Variants in LRRC3B observed in about 807,000 individuals in gnomAD.
LRRC3B encodes the protein leucine-rich repeat-containing protein 3B.
LRRC3B carries 2 observed loss-of-function variants against 12.8 expected under a neutral mutation model. The observed-to-expected ratio is 0.16, with a 90% confidence interval of 0.06 to 0.49. LRRC3B has a LOEUF of 0.49. Among genes scored for constraint, LRRC3B ranks in the 20% least tolerant of loss-of-function variants. The pLI, the probability that LRRC3B is intolerant of heterozygous loss-of-function variation, is 0.96. For missense variants in LRRC3B, 189 were observed against 319.4 expected, an observed-to-expected ratio of 0.59 and a Z score of 3.11; for synonymous variants, 132 against 122.0, an observed-to-expected ratio of 1.08 and a Z score of -0.54.
intron 1 of LRRC3B, among the ~76,000 whole-genome samples, chr3:26,706,354 T>C (rs1456339524): frequency 6.6e-6 from 1 of 152,168 alleles, no homozygotes; most frequent in Non-Finnish European, 1.5e-5. Flanking sequence ...ACATCCTGCA[T>C]CTTTTGTCAC....
At chr3:26,650,040 A>T (rs1699234001) in intron 1 of LRRC3B, among the ~76,000 whole-genome samples, 1 of 152,156 alleles carries the variant, frequency 6.6e-6, no homozygotes, top group African/African-American at 2.4e-5. Context: ...CTTTTTAAAT[A>T]AACTTCTATT....
intron 1 of LRRC3B, among the ~76,000 whole-genome samples, chr3:26,667,075 T>C (rs57719702): frequency 0.084 from 11,226 of 133,704 alleles, 1,157 homozygotes; most frequent in African/African-American, 0.28. Context: ...AATGTCCCTC[T>C]GTGATTTTTT....
chr3:26,686,612 A>G (rs1218807192), intron 1 of LRRC3B, among the ~76,000 whole-genome samples: 1 of 152,214 alleles, frequency 6.6e-6, no homozygotes, highest in African/African-American at 2.4e-5. Context: ...AGCTCAGAAA[A>G]AAAGTGTTAA....
chr3:26,626,821 T>C (rs1266000672), intron 1 of LRRC3B, among the ~76,000 whole-genome samples: 1 of 152,218 alleles, frequency 6.6e-6, no homozygotes, highest in African/African-American at 2.4e-5. Flanking sequence ...CTCTGGATGA[T>C]TCTAAATAAG....
At chr3:26,685,034 A>G (rs369010215) in intron 1 of LRRC3B, among the ~76,000 whole-genome samples, 2 of 152,034 alleles carry the variant, frequency 1.3e-5, no homozygotes, top group South Asian at 2.1e-4. Context: ...GCTCACTGCA[A>G]TCTCCACCTC....
chr3:26,671,373 T>TATATATATATAGAGAGAG (rs1261897533), intron 1 of LRRC3B, among the ~76,000 whole-genome samples: 3 of 28,258 alleles, frequency 1.1e-4, no homozygotes, highest in African/African-American at 2.9e-4. Context: ...TATATATATA[T>TATATATATATAGAGAGAG]AGAGAGAGAG....
chr3:26,697,726 A>G (rs112287859), intron 1 of LRRC3B, among the ~76,000 whole-genome samples: 2 of 152,298 alleles, frequency 1.3e-5, no homozygotes, highest in African/African-American at 4.8e-5. Context: ...TCTCATCTAA[A>G]TATCACCCCA....
chr3:26,650,620 T>C (rs1057287483), intron 1 of LRRC3B, among the ~76,000 whole-genome samples: 2 of 152,064 alleles, frequency 1.3e-5, no homozygotes, highest in Non-Finnish European at 2.9e-5. Flanking sequence ...TTCCAAACAA[T>C]GTTAGTGATA....
At chr3:26,630,648 C>T (rs957022343) in intron 1 of LRRC3B, among the ~76,000 whole-genome samples, 2 of 152,106 alleles carry the variant, frequency 1.3e-5, no homozygotes, top group Non-Finnish European at 2.9e-5. Flanking sequence ...GGTTTATGGC[C>T]TGTGTTCAAA....
At chr3:26,681,777 CAAAAGTATTTCT>C (rs1699975912) in intron 1 of LRRC3B, among the ~76,000 whole-genome samples, 1 of 152,046 alleles carries the variant, frequency 6.6e-6, no homozygotes, top group South Asian at 2.1e-4. Flanking sequence ...CTGGTAAAAA[CAAAAGTATTTCT>C]AAAATAAGCC....
At chr3:26,682,637 C>A (rs1699994453) in intron 1 of LRRC3B, among the ~76,000 whole-genome samples, 1 of 152,184 alleles carries the variant, frequency 6.6e-6, no homozygotes, top group Non-Finnish European at 1.5e-5. Flanking sequence ...CAATCCCCAG[C>A]CTGGAGAAAA....
In LRRC3B at chr3:26,673,103, T is replaced by TAAAAC. The variant is rs1394762700; in HGVS notation, c.-160-36406_-160-36402dup. On this transcript the variant is annotated intron_variant, in intron 1 of 1. Coordinates refer to ENST00000396641, the Ensembl canonical transcript of LRRC3B. ...ATAAATCTTAGAAGTTACTCTTAAA[T>TAAAAC]AAAACAAAGGTCTGCTGCAGTGGCA... 2.0e-5 allele frequency among the ~76,000 whole-genome samples: 3 copies of TAAAAC among 152,328 alleles called. No individual in the cohort carries two copies. The East Asian group carries it at 5.8e-4, about 29-fold the overall frequency.
intron 1 of LRRC3B, among the ~76,000 whole-genome samples, chr3:26,671,314 C>T (rs1699722772): frequency 1.4e-5 from 2 of 139,384 alleles, no homozygotes; most frequent in East Asian, 2.1e-4. Flanking sequence ...CGCGCCCGGC[C>T]TCATGTATCT....
chr3:26,656,451 A>T (rs1176117730), intron 1 of LRRC3B, among the ~76,000 whole-genome samples: 1 of 152,168 alleles, frequency 6.6e-6, no homozygotes, highest in Non-Finnish European at 1.5e-5. Flanking sequence ...CAAGTTTGCC[A>T]CTGTTATCTC....
chr3:26,659,511 G>C (rs917308512), intron 1 of LRRC3B, among the ~76,000 whole-genome samples: 1 of 152,162 alleles, frequency 6.6e-6, no homozygotes, highest in Non-Finnish European at 1.5e-5. Flanking sequence ...GATATTAAGA[G>C]AGATTTAAGA....
chr3:26,626,734 T>C (rs757874971), intron 1 of LRRC3B, among the ~76,000 whole-genome samples: 1 of 152,188 alleles, frequency 6.6e-6, no homozygotes, highest in Admixed American at 6.5e-5. Context: ...CTACCACAAA[T>C]GTGACTCTTT....
chr3:26,680,504 A>AT (rs1423635181), intron 1 of LRRC3B, among the ~76,000 whole-genome samples: 1 of 152,224 alleles, frequency 6.6e-6, no homozygotes, highest in Non-Finnish European at 1.5e-5. Flanking sequence ...ATAGAATTTT[A>AT]TATTGCATCC....
intron 1 of LRRC3B, among the ~76,000 whole-genome samples, chr3:26,686,628 T>TA (rs944418088): frequency 1.3e-4 from 19 of 151,844 alleles, no homozygotes; most frequent in Admixed American, 7.9e-4. Flanking sequence ...GTTAAGAAAA[T>TA]AAAAAAAGCC....
At chr3:26,706,068 G>T (rs142215645) in intron 1 of LRRC3B, among the ~76,000 whole-genome samples, 2 of 152,148 alleles carry the variant, frequency 1.3e-5, no homozygotes, top group African/African-American at 4.8e-5. Context: ...GGTGCCAGAA[G>T]ATTTGGTTTC....
Sources: gnomAD v4.1 joint callset for allele counts (sites outside exome capture counted in the v4.1 genomes callset) on GRCh38, gnomAD v4.1.1 for gene constraint, MANE v1.5 for transcripts, NCBI Gene and HGNC (gene_info 2026-07-23, HGNC 2026-07-21) for gene names.